PRKCA: variants seen among roughly 807,000 people sequenced by gnomAD.
PRKCA encodes protein kinase C alpha, also known as protein kinase C alpha type.
Under a neutral mutation model 87.0 loss-of-function variants are expected in PRKCA, and 27 were observed. The ratio of observed to expected loss-of-function variants is 0.31; its 90% CI spans 0.23 to 0.43. PRKCA has a LOEUF of 0.43. Among genes scored for constraint, PRKCA ranks in the 20% least tolerant of loss-of-function variants. PRKCA has a pLI of 1.00. For missense variants in PRKCA, 518 were observed against 852.3 expected, an observed-to-expected ratio of 0.61 and a Z score of 4.88; for synonymous variants, 329 against 311.1, an observed-to-expected ratio of 1.06 and a Z score of -0.61.
chr17:66,733,456 G>A (rs1418728673), intron 9 of PRKCA, among the ~76,000 whole-genome samples: 2 of 152,194 alleles, frequency 1.3e-5, no homozygotes, highest in Non-Finnish European at 2.9e-5. Context: ...TATGTAACAT[G>A]CATCTTATGT....
At chr17:66,471,017 TA>T (rs1915302303) in intron 2 of PRKCA, among the ~76,000 whole-genome samples, 1 of 149,352 alleles carries the variant, frequency 6.7e-6, no homozygotes, top group African/African-American at 2.6e-5. Context: ...TTTTTTAGTT[TA>T]GTTTTTTTTT....
intron 5 of PRKCA, among the ~76,000 whole-genome samples, chr17:66,670,401 G>A (rs911960894): frequency 5.3e-5 from 8 of 152,164 alleles, no homozygotes; most frequent in Admixed American, 1.3e-4. Flanking sequence ...GAAGTAGGAT[G>A]GGAGCTCACA....
chr17:66,325,667 T>C (rs1199120780), intron 2 of PRKCA, among the ~76,000 whole-genome samples: 1 of 152,104 alleles, frequency 6.6e-6, no homozygotes, highest in East Asian at 1.9e-4. Context: ...CTAAAAACCC[T>C]TTGAGAACAG....
At chr17:66,703,008 A>T (rs190203838) in intron 8 of PRKCA, among the ~76,000 whole-genome samples, 1 of 152,334 alleles carries the variant, frequency 6.6e-6, no homozygotes, top group East Asian at 1.9e-4. Context: ...TGGAGGTTGC[A>T]GGACTGGAAG....
At chr17:66,447,183 G>A (rs1213052043) in intron 2 of PRKCA, among the ~76,000 whole-genome samples, 2 of 152,226 alleles carry the variant, frequency 1.3e-5, no homozygotes, top group Non-Finnish European at 2.9e-5. Context: ...TGTCAGTCAT[G>A]TGTAGACAGG....
rs185586204 is a variant in PRKCA at position 66,584,512 on chromosome 17, C to T, written c.289-56843C>T. ...AAGTGCTGGGATTACAGGCATGAGC[C>T]ACCGTGCCCGGCCAATCTGGTAGTT... On this transcript the variant is annotated intron_variant, in intron 3 of 16. Transcript: ENST00000413366. Among the ~76,000 whole-genome samples, 3 of 152,316 alleles carry T rather than the reference C, an allele frequency of 2.0e-5. No individual in the cohort carries two copies. The East Asian group carries it at 5.8e-4, about 29-fold the overall frequency.
chr17:66,732,747 A>G lies in PRKCA; in HGVS notation c.978A>G (p.Gln326=), dbSNP rs538217187. The G allele has an allele frequency of 3.1e-6, 5 of 1,614,084 alleles. No homozygotes were observed. Among genetic ancestry groups the G allele is most frequent in the Non-Finnish European group, 4.2e-6 (5 of 1,180,032 alleles). ...TCAGTCCCTCTGAAGACAGGAAACA[A>G]CCTTCCAACAACCTTGACCGAGTGA... ...KVISPSEDRK[Q]PSNNLDRVKL... Residue 326 remains glutamine, a synonymous_variant, in exon 9 of 17, where the codon CAA becomes CAG. Coordinates refer to ENST00000413366, the MANE Select transcript of PRKCA (RefSeq NM_002737.3).
At chr17:66,691,326 G>A (rs1037853983) in intron 8 of PRKCA, among the ~76,000 whole-genome samples, 2 of 152,058 alleles carry the variant, frequency 1.3e-5, no homozygotes, top group Non-Finnish European at 2.9e-5. Context: ...ATAAAAAGGT[G>A]CATGTATCTG....
At chr17:66,492,745 G>A (rs145882105) in intron 2 of PRKCA, among the ~76,000 whole-genome samples, 168 of 152,348 alleles carry the variant, frequency 1.1e-3, no homozygotes, top group African/African-American at 3.9e-3. Context: ...TTTATTATCC[G>A]TCCTTCGAGA....
intron 3 of PRKCA, among the ~76,000 whole-genome samples, chr17:66,555,315 C>T (rs1212286767): frequency 6.6e-6 from 1 of 152,188 alleles, no homozygotes; most frequent in African/African-American, 2.4e-5. Flanking sequence ...TGCCACGCAA[C>T]CAGACTTCTT....
At chr17:66,769,981 C>T (rs1163876917) in intron 13 of PRKCA, among the ~76,000 whole-genome samples, 3 of 152,220 alleles carry the variant, frequency 2.0e-5, no homozygotes, top group Non-Finnish European at 4.4e-5. Context: ...TTTACATTCA[C>T]TCATTTAATT....
chr17:66,592,423 C>CA (rs1239092251), intron 3 of PRKCA, among the ~76,000 whole-genome samples: 1 of 151,568 alleles, frequency 6.6e-6, no homozygotes, highest in South Asian at 2.1e-4. Flanking sequence ...CCACCCTCCT[C>CA]AAAAAATAGA....
chr17:66,766,612 AG>A (rs1229546711), intron 13 of PRKCA, among the ~76,000 whole-genome samples: 6 of 152,088 alleles, frequency 3.9e-5, no homozygotes, highest in Non-Finnish European at 8.8e-5. Context: ...GTTCGAGACC[AG>A]TCTGGGCAAC....
intron 2 of PRKCA, among the ~76,000 whole-genome samples, chr17:66,321,644 A>G (rs908835395): frequency 1.3e-5 from 2 of 152,138 alleles, no homozygotes; most frequent in African/African-American, 2.4e-5. Flanking sequence ...CCTGGGTTCA[A>G]GCGATTCTCC....
intron 8 of PRKCA, among the ~76,000 whole-genome samples, chr17:66,694,649 C>T (rs940237841): frequency 2.4e-4 from 37 of 151,460 alleles, no homozygotes; most frequent in African/African-American, 8.5e-4. Flanking sequence ...ACATGAAGGT[C>T]CAGTACTTTT....
At chr17:66,634,388 G>T (rs1971099677) in intron 3 of PRKCA, among the ~76,000 whole-genome samples, 1 of 152,130 alleles carries the variant, frequency 6.6e-6, no homozygotes. Flanking sequence ...ATGACAGCAG[G>T]TTTCACACTC....
intron 5 of PRKCA, among the ~76,000 whole-genome samples, chr17:66,685,972 G>A (rs1972615698): frequency 6.6e-6 from 1 of 152,172 alleles, no homozygotes; most frequent in Non-Finnish European, 1.5e-5. Flanking sequence ...CCGGTCCAGG[G>A]ACCACACTGT....
intron 3 of PRKCA, among the ~76,000 whole-genome samples, chr17:66,544,110 GTGGTGGGGGGA>G: frequency 6.6e-6 from 1 of 152,136 alleles, no homozygotes; most frequent in African/African-American, 2.4e-5. Flanking sequence ...TGCTACTGGG[GTGGTGGGGGGA>G]GCTGAGGCAG....
chr17:66,508,380 G>A (rs956192736), intron 3 of PRKCA, among the ~76,000 whole-genome samples: 8 of 152,224 alleles, frequency 5.3e-5, no homozygotes, highest in East Asian at 3.8e-4. Context: ...TAACACTGCC[G>A]TTGGGCGTTG....
Sources: allele counts gnomAD v4.1 joint callset (sites outside exome capture counted in the v4.1 genomes callset), GRCh38; gene constraint gnomAD v4.1.1; transcripts MANE v1.5; gene names NCBI Gene and HGNC (gene_info 2026-07-23, HGNC 2026-07-21).